MYO10: variants seen among roughly 807,000 people sequenced by gnomAD.
The protein encoded by MYO10 is myosin X.
A neutral mutation model predicts 257.3 loss-of-function variants in MYO10; 133 were observed. The observed-to-expected ratio is 0.52, with a 90% CI of 0.45 to 0.60. MYO10 has a LOEUF of 0.60. MYO10 is among the 20% of genes least tolerant of loss of function. The pLI is 0.00. For synonymous variants in MYO10, 1,104 were observed against 1,028.6 expected, an observed-to-expected ratio of 1.07 and a Z score of -1.40; for missense variants, 2,399 against 2,635.7, an observed-to-expected ratio of 0.91 and a Z score of 1.97.
chr5:16,791,338 C>T (rs1305652327), intron 4 of MYO10, among the ~76,000 whole-genome samples: 7 of 151,674 alleles, frequency 4.6e-5, no homozygotes, highest in Non-Finnish European at 7.4e-5. Flanking sequence ...TAAAAAACTG[C>T]TGAAGAGAGC....
At position 16,767,357 on chromosome 5, in the gene MYO10, G is replaced by A. The variant is rs1039488650; in HGVS notation, c.1061-1159C>T. On this transcript the variant is annotated intron_variant, in intron 10 of 40. Coordinates refer to ENST00000513610, the MANE Select transcript of MYO10 (RefSeq NM_012334.3). ...GGCTAATTTTTGTATTTTTAGTAGCGACGGGTTTCACCGTATCGGCCTGGC... is the reference window on the plus strand; with the variant it reads ...GGCTAATTTTTGTATTTTTAGTAGCAACGGGTTTCACCGTATCGGCCTGGC... 5.9e-5 allele frequency among the ~76,000 whole-genome samples: 9 copies of A among 151,468 alleles called. No individual in the cohort carries two copies. The South Asian group carries it at 1.0e-3, about 18-fold the overall frequency.
chr5:16,904,370 T>G (rs776049907), intron 1 of MYO10, among the ~76,000 whole-genome samples: 28 of 152,010 alleles, frequency 1.8e-4, no homozygotes, highest in Non-Finnish European at 3.7e-4. Flanking sequence ...TCCAGCAAAT[T>G]AACTGAAACC....
At position 16,871,092 on chromosome 5, in the gene MYO10, C is replaced by T. The variant is rs115284699; in HGVS notation, c.120+6517G>A. Among the ~76,000 whole-genome samples the T allele has an allele frequency of 1.2e-3, 176 of 152,284 alleles. 1 individual carries two copies. Among genetic ancestry groups the T allele is most frequent in the African/African-American group, 3.8e-3 (159 of 41,560 alleles). ...AGTCTAGTGGCATGAAGTACAATTACAGTGTTGTGCAACCATCACCAGCAT... is the reference window on the plus strand; with the variant it reads ...AGTCTAGTGGCATGAAGTACAATTATAGTGTTGTGCAACCATCACCAGCAT... On this transcript the variant is annotated intron_variant, in intron 2 of 40. Coordinates refer to ENST00000513610, the MANE Select transcript of MYO10 (RefSeq NM_012334.3).
chr5:16,925,153 T>C (rs1263803376), intron 1 of MYO10, among the ~76,000 whole-genome samples: 2 of 152,058 alleles, frequency 1.3e-5, no homozygotes, highest in Non-Finnish European at 2.9e-5. Context: ...TTAATAATAT[T>C]AGCAAAAGTT....
intron 4 of MYO10, among the ~76,000 whole-genome samples, chr5:16,792,925 C>T (rs253359): frequency 0.55 from 84,070 of 151,804 alleles, 23,357 homozygotes; most frequent in South Asian, 0.66. Flanking sequence ...CTTTCCCATT[C>T]CTCCTGAAAT....
At chr5:16,736,536 G>A (rs1460225536) in intron 19 of MYO10, among the ~76,000 whole-genome samples, 1 of 152,124 alleles carries the variant, frequency 6.6e-6, no homozygotes, top group East Asian at 1.9e-4. Flanking sequence ...GTCACGACCA[G>A]GTCCAACCTG....
At chr5:16,783,274 A>G in intron 5 of MYO10, 61 bp downstream of exon 5, 1 of 1,452,296 alleles carries the variant, frequency 6.9e-7, no homozygotes, top group Non-Finnish European at 9.2e-7. Context: ...TCTTCTTTAA[A>G]TAAGCCATAC....
intron 2 of MYO10, among the ~76,000 whole-genome samples, chr5:16,821,209 G>T (rs1742795432): frequency 6.7e-6 from 1 of 148,426 alleles, no homozygotes; most frequent in South Asian, 2.1e-4. Context: ...TAATTATCTT[G>T]CTGTTCCTGG....
chr5:16,892,908 C>CT (rs1745102422), intron 1 of MYO10, among the ~76,000 whole-genome samples: 1 of 151,708 alleles, frequency 6.6e-6, no homozygotes, highest in Non-Finnish European at 1.5e-5. Flanking sequence ...TGAAAAAGAA[C>CT]TTACAGGCCA....
At chr5:16,924,005 G>A (rs763177082) in intron 1 of MYO10, among the ~76,000 whole-genome samples, 9 of 152,232 alleles carry the variant, frequency 5.9e-5, no homozygotes, top group South Asian at 2.1e-4. Context: ...TGGGAGGATC[G>A]CCTGAGCCAA....
chr5:16,927,218 T>A (rs1052303851), intron 1 of MYO10, among the ~76,000 whole-genome samples: 1 of 146,166 alleles, frequency 6.8e-6, no homozygotes, highest in Admixed American at 7.0e-5. Context: ...AACATATATA[T>A]GAAGGCATAA....
At chr5:16,863,088 G>A (rs545376774) in intron 2 of MYO10, among the ~76,000 whole-genome samples, 8 of 152,266 alleles carry the variant, frequency 5.3e-5, no homozygotes, top group African/African-American at 1.7e-4. Context: ...GAAAAAGGAG[G>A]CCAAAGTCTA....
intron 19 of MYO10, among the ~76,000 whole-genome samples, chr5:16,735,897 C>T (rs1429279562): frequency 2.0e-5 from 3 of 152,138 alleles, no homozygotes; most frequent in East Asian, 3.9e-4. Context: ...CTCTTTCCTA[C>T]ATTTTTGCAC....
intron 25 of MYO10, 65 bp from the exon 26 acceptor site, chr5:16,699,638 A>G: frequency 2.5e-6 from 4 of 1,599,006 alleles, no homozygotes; most frequent in African/African-American, 1.3e-5. Flanking sequence ...GAAGATACCC[A>G]GCATGTATCA....
intron 3 of MYO10, among the ~76,000 whole-genome samples, chr5:16,816,199 C>T (rs1298927463): frequency 6.6e-6 from 1 of 151,734 alleles, no homozygotes. Flanking sequence ...ATTAGCTGGG[C>T]GTGGTAGCAC....
intron 2 of MYO10, among the ~76,000 whole-genome samples, chr5:16,861,210 A>T (rs1445038173): frequency 6.9e-6 from 1 of 145,236 alleles, no homozygotes; most frequent in African/African-American, 2.5e-5. Flanking sequence ...ACTAGGGAAC[A>T]TTTTTTTTTT....
chr5:16,678,740 T>G (rs1327164697), intron 33 of MYO10, among the ~76,000 whole-genome samples: 1 of 152,350 alleles, frequency 6.6e-6, no homozygotes, highest in South Asian at 2.1e-4. Flanking sequence ...CCACAAAAAC[T>G]GAGTTCCCTC....
In MYO10 at chr5:16,674,841, C is replaced by G. The variant is rs766555294; in HGVS notation, c.4964+12G>C. The G allele has an allele frequency of 6.2e-7, 1 of 1,613,540 alleles. No individual in the cohort carries two copies. The highest frequency in any genetic ancestry group is 8.5e-7 in the Non-Finnish European group (1 of 1,179,740). On this transcript the variant is annotated intron_variant, in intron 35 of 40. Transcript: ENST00000513610. ...CTCTGCCCAGCTCATCTCCCGTGCC[C>G]CCATGCTTTACCTTTTCAGATGGAA...
At chr5:16,861,575 A>T (rs1744110152) in intron 2 of MYO10, among the ~76,000 whole-genome samples, 1 of 152,150 alleles carries the variant, frequency 6.6e-6, no homozygotes, top group African/African-American at 2.4e-5. Context: ...TCCATCTCAA[A>T]AAAAGAAAAA....
Sources: allele counts gnomAD v4.1 joint callset (sites outside exome capture counted in the v4.1 genomes callset), GRCh38; gene constraint gnomAD v4.1.1; transcripts MANE v1.5; gene names NCBI Gene and HGNC (gene_info 2026-07-23, HGNC 2026-07-21).